Variants in NXPE4 observed in about 807,000 individuals in gnomAD.
NXPE4 encodes the protein neurexophilin and PC-esterase domain family member 4.
Under a neutral mutation model 33.3 loss-of-function variants are expected in NXPE4, and 42 were observed. The ratio of observed to expected loss-of-function variants is 1.26; its 90% CI spans 0.98 to 1.63. The LOEUF (loss-of-function observed/expected upper bound fraction) is 1.63. Ranked by LOEUF, NXPE4 falls within the 40% of genes most tolerant of loss-of-function variation. The pLI, the probability that NXPE4 is intolerant of heterozygous loss-of-function variation, is 0.00. For missense variants in NXPE4, 709 were observed against 647.6 expected, an observed-to-expected ratio of 1.09 and a Z score of -1.03; for synonymous variants, 253 against 234.9, an observed-to-expected ratio of 1.08 and a Z score of -0.71.
intron 5 of NXPE4, among the ~76,000 whole-genome samples, chr11:114,578,633 T>C (rs551094967): frequency 2.0e-5 from 3 of 152,276 alleles, no homozygotes; most frequent in African/African-American, 7.2e-5. Flanking sequence ...AGATCATGAG[T>C]GGCCTCATTT....
At chr11:114,574,572 C>T (rs911233524) in intron 5 of NXPE4, among the ~76,000 whole-genome samples, 1 of 152,000 alleles carries the variant, frequency 6.6e-6, no homozygotes, top group African/African-American at 2.4e-5. Context: ...CTGTGAACAC[C>T]TTTAAGCACA....
At chr11:114,627,308 A>G in the NXPE4 span, among the ~76,000 whole-genome samples, 1 of 152,288 alleles carries the variant, frequency 6.6e-6, no homozygotes, top group African/African-American at 2.4e-5. Context: ...CCATCAGACT[A>G]ACAGCAGATC....
At chr11:114,642,682 G>T in the NXPE4 span, among the ~76,000 whole-genome samples, 1 of 152,026 alleles carries the variant, frequency 6.6e-6, no homozygotes, top group African/African-American at 2.4e-5. Flanking sequence ...ATTTGGGTTG[G>T]TTCCAAGTCT....
the NXPE4 span, among the ~76,000 whole-genome samples, chr11:114,629,544 A>T: frequency 6.6e-6 from 1 of 151,888 alleles, no homozygotes; most frequent in Non-Finnish European, 1.5e-5. Context: ...GCTATCTATG[A>T]CAAACCCACA....
At chr11:114,663,007 A>G in the NXPE4 span, among the ~76,000 whole-genome samples, 1 of 152,166 alleles carries the variant, frequency 6.6e-6, no homozygotes, top group Non-Finnish European at 1.5e-5. Context: ...GAGGTCCCTG[A>G]TTCCAGCACT....
At chr11:114,581,638 G>C in intron 4 of NXPE4, 87 bp downstream of exon 4, 4 of 1,111,236 alleles carry the variant, frequency 3.6e-6, no homozygotes, top group Non-Finnish European at 5.4e-6. Flanking sequence ...TGATAGGACT[G>C]AAACAGTGAA....
chr11:114,620,106 C>T, the NXPE4 span, among the ~76,000 whole-genome samples: 5 of 151,964 alleles, frequency 3.3e-5, no homozygotes, highest in African/African-American at 9.7e-5. Flanking sequence ...CCACTGTTAC[C>T]CAGTGGATAA....
chr11:114,623,713 GATA>G, the NXPE4 span, among the ~76,000 whole-genome samples: 4 of 152,140 alleles, frequency 2.6e-5, no homozygotes, highest in East Asian at 1.9e-4. Context: ...TTACCCGATG[GATA>G]ATAAGTATTG....
the NXPE4 span, among the ~76,000 whole-genome samples, chr11:114,667,948 T>G: frequency 6.6e-6 from 1 of 151,900 alleles, no homozygotes; most frequent in Non-Finnish European, 1.5e-5. Context: ...AGTAGATAAC[T>G]AATACACAGA....
At chr11:114,663,678 T>TATCTATCTATCTATC in the NXPE4 span, among the ~76,000 whole-genome samples, 1 of 145,940 alleles carries the variant, frequency 6.9e-6, no homozygotes, top group South Asian at 2.2e-4. Context: ...ATCTATCTAT[T>TATCTATCTATCTATC]TATCTATCTA....
At chr11:114,579,677 T>A (rs947604532) in intron 5 of NXPE4, among the ~76,000 whole-genome samples, 1 of 152,244 alleles carries the variant, frequency 6.6e-6, no homozygotes, top group Non-Finnish European at 1.5e-5. Context: ...CTTTTCATCT[T>A]CAGTTGACAG....
the NXPE4 span, among the ~76,000 whole-genome samples, chr11:114,624,614 G>C: frequency 6.6e-6 from 1 of 151,976 alleles, no homozygotes; most frequent in Non-Finnish European, 1.5e-5. Context: ...TTGCCTCATG[G>C]GCAACCACTG....
the NXPE4 span, among the ~76,000 whole-genome samples, chr11:114,670,879 C>T: frequency 6.6e-6 from 1 of 151,236 alleles, no homozygotes; most frequent in African/African-American, 2.4e-5. Context: ...GCAATGGAAA[C>T]CGCCTCTGAG....
intron 4 of NXPE4, among the ~76,000 whole-genome samples, chr11:114,581,400 A>C (rs1949142700): frequency 6.6e-6 from 1 of 152,150 alleles, no homozygotes. Flanking sequence ...GAGTGGTATG[A>C]AGAGAGGTGT....
chr11:114,636,632 G>C, the NXPE4 span, among the ~76,000 whole-genome samples: 1 of 151,934 alleles, frequency 6.6e-6, no homozygotes, highest in Non-Finnish European at 1.5e-5. Context: ...ACACTGCTTT[G>C]AATGTGTCCC....
the NXPE4 span, among the ~76,000 whole-genome samples, chr11:114,650,624 C>T: frequency 6.6e-6 from 1 of 152,094 alleles, no homozygotes; most frequent in Non-Finnish European, 1.5e-5. Context: ...ACCTCTATCC[C>T]TAGGGAAGGG....
At chr11:114,601,722 AAT>A in the NXPE4 span, among the ~76,000 whole-genome samples, 3 of 72,434 alleles carry the variant, frequency 4.1e-5, no homozygotes, top group African/African-American at 5.8e-5. Context: ...TATATATTAT[AAT>A]TATATATTAT....
the NXPE4 span, among the ~76,000 whole-genome samples, chr11:114,626,097 A>G: frequency 0.53 from 80,065 of 151,938 alleles, 22,176 homozygotes; most frequent in African/African-American, 0.68. Flanking sequence ...CGAGGCTGGG[A>G]GAGGGGCGCC....
rs1368920566 is a variant in NXPE4 at position 114,570,905 on chromosome 11, C to G, written c.*33G>C. On this transcript the variant is annotated 3_prime_UTR_variant, in exon 6 of 6. Coordinates refer to ENST00000375478, the MANE Select transcript of NXPE4 (RefSeq NM_001077639.2). Reference sequence around the variant, plus strand: ...AGTAGACAGTCAATAAATTTTTTTACTTAAGTGAATGAATTTCAGACTTTT... The same window carrying G: ...AGTAGACAGTCAATAAATTTTTTTAGTTAAGTGAATGAATTTCAGACTTTT... The G allele has an allele frequency of 6.8e-7, 1 of 1,477,670 alleles. No individual in the cohort carries two copies. The highest frequency in any genetic ancestry group is 2.5e-5 in the East Asian group (1 of 40,768). The allele number at this position is 1,477,670 out of a possible 1,614,324, so 91.5% of individuals were successfully genotyped here.
Sources: gnomAD v4.1 joint callset for allele counts (sites outside exome capture counted in the v4.1 genomes callset) on GRCh38, gnomAD v4.1.1 for gene constraint, MANE v1.5 for transcripts, NCBI Gene and HGNC (gene_info 2026-07-23, HGNC 2026-07-21) for gene names.